Variants in CD82 observed in about 807,000 individuals in gnomAD.
The protein encoded by CD82 is CD82 molecule.
Under a neutral mutation model 37.4 loss-of-function variants are expected in CD82, and 36 were observed. The observed-to-expected ratio is 0.96, with a 90% confidence interval of 0.74 to 1.27. CD82 has a LOEUF of 1.27. CD82 is among the 50% of genes most tolerant of loss of function. The pLI is 0.00. For synonymous variants in CD82, 158 were observed against 137.4 expected (o/e 1.15, Z -1.05); for missense variants, 340 against 347.0 (o/e 0.98, Z 0.16).
rs560183994 is a variant in CD82, at chr11:44,605,512, C to T, written c.336+83C>T. 114 of 1,277,510 alleles carry T rather than the reference C, an allele frequency of 8.9e-5. 1 individual carries two copies. In the South Asian group the frequency reaches 1.3e-3, roughly 14 times the overall value. The allele number at this position is 1,277,510 out of a possible 1,614,324, so 79.1% of individuals were successfully genotyped here. A position where few individuals can be genotyped will look rare whatever the true frequency, so the allele number is the denominator to read the frequency against. On this transcript the variant is annotated intron_variant, in intron 6 of 9. Coordinates refer to ENST00000227155, the MANE Select transcript of CD82 (RefSeq NM_002231.4). ...CTGAGTGTGGGGGATGGACAAGGAA[C>T]CCCCCCAGTTGTCACAGACAGATCC...
At chr11:44,614,889 A>G (rs1053606789) in intron 6 of CD82, among the ~76,000 whole-genome samples, 2 of 152,220 alleles carry the variant, frequency 1.3e-5, no homozygotes, top group African/African-American at 4.8e-5. Context: ...AAATCTAGTC[A>G]GTTGAAGCAG....
chr11:44,604,441 T>C (rs1194773136), intron 4 of CD82: 1 of 158,756 alleles, frequency 6.3e-6, no homozygotes, highest in African/African-American at 2.4e-5. Context: ...GCCATGCTAG[T>C]GCCTGCCAGG....
chr11:44,602,611 C>T lies in CD82; in HGVS notation c.136+2381C>T, dbSNP rs1344618889. Among the ~76,000 whole-genome samples the T allele has an allele frequency of 3.3e-5, 5 of 152,156 alleles. No individual in the cohort carries two copies. In the East Asian group the frequency reaches 9.6e-4, roughly 29 times the overall value. On this transcript the variant is annotated intron_variant, in intron 4 of 9. Coordinates refer to ENST00000227155, the MANE Select transcript of CD82 (RefSeq NM_002231.4). ...ATTAGAATCTACTTTTCTTATCCCT[C>T]ATCCCTTTCTGTTTGGGCCGCTTCC... is the stretch of plus-strand genomic sequence containing the variant.
At chr11:44,595,029 A>C (rs1853202177) in intron 3 of CD82, 12 of 419,492 alleles carry the variant, frequency 2.9e-5, no homozygotes, top group Non-Finnish European at 8.8e-6. Flanking sequence ...CATCCCCCTA[A>C]CTCAACAGCA....
At chr11:44,591,186 G>C (rs116250143) in intron 2 of CD82, among the ~76,000 whole-genome samples, 2 of 152,138 alleles carry the variant, frequency 1.3e-5, no homozygotes, top group Non-Finnish European at 2.9e-5. Context: ...TCAGCCTCTG[G>C]ACCCACCCAG....
At chr11:44,571,403 A>AT (rs1852812857) in intron 1 of CD82, among the ~76,000 whole-genome samples, 2 of 152,160 alleles carry the variant, frequency 1.3e-5, no homozygotes, top group African/African-American at 2.4e-5. Flanking sequence ...TTTGTGTCTT[A>AT]CCGCTCTGTG....
chr11:44,600,137 ACTGCTCCCTTCTC>A lies in CD82; in HGVS notation c.64-18_64-6del. ...GCTATCTGCTCTTGGCTCCCCATTAACTGCTCCCTTCTCCTTCCAGATCCTGGGCGCAGTGATC... is the reference window on the plus strand; with the variant it reads ...GCTATCTGCTCTTGGCTCCCCATTAACTTCCAGATCCTGGGCGCAGTGATC... On this transcript the variant is annotated splice_region_variant and splice_polypyrimidine_tract_variant and intron_variant, in intron 3 of 9. Transcript: ENST00000227155. The A allele has an allele frequency of 6.2e-7, 1 of 1,613,590 alleles. No individual in the cohort carries two copies. Among genetic ancestry groups the A allele is most frequent in the Non-Finnish European group, 8.5e-7 (1 of 1,179,610 alleles).
intron 2 of CD82, among the ~76,000 whole-genome samples, chr11:44,592,770 C>T (rs532204869): frequency 2.6e-5 from 4 of 152,290 alleles, no homozygotes; most frequent in Admixed American, 6.5e-5. Flanking sequence ...CCCTGGCTCC[C>T]GAGTCACTGC....
intron 1 of CD82, among the ~76,000 whole-genome samples, chr11:44,570,941 C>T (rs1005617616): frequency 6.6e-6 from 1 of 152,164 alleles, no homozygotes; most frequent in Non-Finnish European, 1.5e-5. Context: ...CCATGCAGAC[C>T]CCCAGGTGGG....
At chr11:44,581,663 C>T (rs1001541765) in intron 1 of CD82, among the ~76,000 whole-genome samples, 2 of 152,168 alleles carry the variant, frequency 1.3e-5, no homozygotes, top group Non-Finnish European at 2.9e-5. Flanking sequence ...AGTGGGGATT[C>T]GGTGAACTGC....
chr11:44,590,829 G>T (rs1030136624), intron 2 of CD82, among the ~76,000 whole-genome samples: 1 of 152,088 alleles, frequency 6.6e-6, no homozygotes, highest in Non-Finnish European at 1.5e-5. Flanking sequence ...AACCTCGGGG[G>T]CTCCTTGGAG....
Position 44,597,696 on chromosome 11 carries a change from C to T in CD82, c.64-2462C>T, listed in dbSNP as rs1853248920. On this transcript the variant is annotated intron_variant, in intron 3 of 9. Coordinates refer to ENST00000227155, the MANE Select transcript of CD82 (RefSeq NM_002231.4). The surrounding 1 kb of genome is among the most constrained non-coding windows in gnomAD (Gnocchi z 4.1). ...GCCTCCCATTCCCTTTTGGTAGGGG[C>T]TGTCCTCCCTCCTGTCCCACCCTGT... is the stretch of plus-strand genomic sequence containing the variant. Among the ~76,000 whole-genome samples, 1 of 152,218 alleles carries T rather than the reference C, an allele frequency of 6.6e-6. No individual in the cohort carries two copies. The highest frequency in any genetic ancestry group is 1.5e-5 in the Non-Finnish European group (1 of 68,022).
At position 44,619,335 on chromosome 11, in the gene CD82, TGCTC is replaced by T; in HGVS notation, c.*210_*213del. ...AGCCCTGGCTGTTCTGTGGTTCCTC[TGCTC>T]ACCGCCCATCAGGGTTCTCTTAGCA... On this transcript the variant is annotated 3_prime_UTR_variant, in exon 10 of 10. Transcript: ENST00000227155. 1.8e-6 allele frequency: 1 copy of T among 570,812 alleles called. No homozygotes were observed. Among genetic ancestry groups the T allele is most frequent in the Non-Finnish European group, 3.1e-6 (1 of 318,566 alleles). 35.4% of individuals were successfully genotyped at this position (570,812 alleles called of 1,614,324 possible). A position where few individuals can be genotyped will look rare whatever the true frequency, so the allele number is the denominator to read the frequency against.
intron 3 of CD82, among the ~76,000 whole-genome samples, chr11:44,598,706 C>T (rs73454749): frequency 0.057 from 8,667 of 152,134 alleles, 839 homozygotes; most frequent in African/African-American, 0.2. Context: ...GCAGGTGCCT[C>T]GTGCCTTGGG....
intron 1 of CD82, among the ~76,000 whole-genome samples, chr11:44,576,773 T>C (rs7109092): frequency 0.57 from 87,415 of 152,030 alleles, 26,167 homozygotes; most frequent in African/African-American, 0.7. Flanking sequence ...GTACTTATTC[T>C]CCGTCCCTCA....
Position 44,585,816 on chromosome 11 carries a change from C to T in CD82, c.-102-1659C>T, listed in dbSNP as rs1853046194. On this transcript the variant is annotated intron_variant, in intron 1 of 9. Transcript: ENST00000227155. ...TCATGCTTAGCCCAAGCTGCCTGTG[C>T]CACCTGCCATCTCTTGCTCTCTCTG... Among the ~76,000 whole-genome samples, 3 of 152,218 alleles carry T rather than the reference C, an allele frequency of 2.0e-5. No individual in the cohort carries two copies. The South Asian group carries it at 6.2e-4, about 31-fold the overall frequency.
At chr11:44,577,717 G>T (rs1252684412) in intron 1 of CD82, among the ~76,000 whole-genome samples, 2 of 151,962 alleles carry the variant, frequency 1.3e-5, no homozygotes, top group African/African-American at 4.8e-5. Context: ...GAGATAAAGT[G>T]CAAAACATCT....
intron 7 of CD82, among the ~76,000 whole-genome samples, chr11:44,617,119 C>G (rs1336384827): frequency 6.6e-6 from 1 of 152,174 alleles, no homozygotes; most frequent in African/African-American, 2.4e-5. Context: ...CAGGAACTGA[C>G]CCCTGCTGTG....
chr11:44,580,626 T>C (rs1292092850), intron 1 of CD82, among the ~76,000 whole-genome samples: 3 of 151,498 alleles, frequency 2.0e-5, no homozygotes, highest in Non-Finnish European at 2.9e-5. Context: ...GGCAGGAGAG[T>C]CTCTTGAACC....
Sources: gnomAD v4.1 joint callset for allele counts (sites outside exome capture counted in the v4.1 genomes callset) on GRCh38, gnomAD v4.1.1 for gene constraint, Gnocchi (gnomAD v3.1) non-coding constraint, MANE v1.5 for transcripts, NCBI Gene and HGNC (gene_info 2026-07-23, HGNC 2026-07-21) for gene names.